CSMD1: variants seen among roughly 807,000 people sequenced by gnomAD.
CSMD1 encodes CUB and sushi domain-containing protein 1.
In CSMD1, 213 loss-of-function variants were observed where a neutral mutation model predicts 417.5. That is an observed-to-expected ratio of 0.51 (90% CI 0.46 to 0.57). The LOEUF (loss-of-function observed/expected upper bound fraction) is 0.57. Among genes scored for constraint, CSMD1 ranks in the 20% least tolerant of loss-of-function variants. The pLI is 0.00. For missense variants in CSMD1, 6,923 were observed against 4,529.7 expected, an observed-to-expected ratio of 1.53 and a Z score of -15.17; for synonymous variants, 2,862 against 1,736.8, an observed-to-expected ratio of 1.65 and a Z score of -16.11.
intron 3 of CSMD1, among the ~76,000 whole-genome samples, chr8:4,112,709 T>C (rs1489364598): frequency 3.9e-5 from 6 of 152,242 alleles, no homozygotes; most frequent in Admixed American, 3.9e-4. Context: ...TTGCAAGTGA[T>C]ATGGAGATTT....
At chr8:4,182,707 A>G (rs1798446005) in intron 3 of CSMD1, among the ~76,000 whole-genome samples, 1 of 152,190 alleles carries the variant, frequency 6.6e-6, no homozygotes, top group Non-Finnish European at 1.5e-5. Flanking sequence ...GCTTTAAGTT[A>G]GAAAGAAAAA....
chr8:4,468,908 A>G (rs1800351929), intron 2 of CSMD1, among the ~76,000 whole-genome samples: 1 of 151,848 alleles, frequency 6.6e-6, no homozygotes, highest in Non-Finnish European at 1.5e-5. Flanking sequence ...GGCTAATAGG[A>G]AAGGAATGCT....
rs957573707 is a variant in CSMD1, at chr8:4,531,461, C to G, written c.302+105881G>C. Among the ~76,000 whole-genome samples, 3 of 152,120 alleles carry G rather than the reference C, an allele frequency of 2.0e-5. No individual in the cohort carries two copies. In the East Asian group the frequency reaches 5.8e-4, roughly 29 times the overall value. On this transcript the variant is annotated intron_variant, in intron 2 of 69. Transcript: ENST00000635120. Reference sequence around the variant, plus strand: ...TGAGTAATTTGGTTACTGACAATATCTATGTGGCTTTGTTTTTGTCATCCC... The same window carrying G: ...TGAGTAATTTGGTTACTGACAATATGTATGTGGCTTTGTTTTTGTCATCCC...
intron 7 of CSMD1, among the ~76,000 whole-genome samples, chr8:3,642,394 C>G (rs187410625): frequency 2.6e-5 from 4 of 152,100 alleles, no homozygotes; most frequent in African/African-American, 9.7e-5. Context: ...AGTCCACTTT[C>G]CCATGAGTTT....
intron 3 of CSMD1, among the ~76,000 whole-genome samples, chr8:4,379,782 G>T (rs141071316): frequency 6.6e-6 from 1 of 152,136 alleles, no homozygotes; most frequent in African/African-American, 2.4e-5. Flanking sequence ...TTAGGTCCAA[G>T]TCCTCCAGTC....
At chr8:3,588,973 G>C (rs1201015875) in intron 8 of CSMD1, among the ~76,000 whole-genome samples, 2 of 152,068 alleles carry the variant, frequency 1.3e-5, no homozygotes, top group Non-Finnish European at 2.9e-5. Flanking sequence ...CAGGTATATG[G>C]AAAGGTGCTC....
chr8:3,364,837 G>T (rs867796056), intron 20 of CSMD1, among the ~76,000 whole-genome samples: 2 of 152,306 alleles, frequency 1.3e-5, no homozygotes, highest in East Asian at 3.9e-4. Context: ...CTAGTCTCAG[G>T]TATGCTGTTA....
intron 3 of CSMD1, among the ~76,000 whole-genome samples, chr8:4,105,977 CA>C (rs1378750939): frequency 1.3e-5 from 2 of 152,170 alleles, no homozygotes; most frequent in Non-Finnish European, 2.9e-5. Flanking sequence ...AACTTCACCA[CA>C]GGAAAATGTA....
intron 12 of CSMD1, among the ~76,000 whole-genome samples, chr8:3,445,680 G>T (rs571587665): frequency 1.8e-4 from 27 of 152,068 alleles, no homozygotes; most frequent in Non-Finnish European, 3.5e-4. Context: ...GAACTAGAGG[G>T]GACGAGAGGA....
At position 4,576,161 on chromosome 8, in the gene CSMD1, T is replaced by C. The variant is rs116731717; in HGVS notation, c.302+61181A>G. Reference sequence around the variant, plus strand: ...TAATTGCAGAAAGTATGCAGGACTGTCGAGTTATGTGCACTAAGCTGTATC... The same window carrying C: ...TAATTGCAGAAAGTATGCAGGACTGCCGAGTTATGTGCACTAAGCTGTATC... On this transcript the variant is annotated intron_variant, in intron 2 of 69. Coordinates refer to ENST00000635120, the MANE Select transcript of CSMD1 (RefSeq NM_033225.6). 1.2e-3 allele frequency among the ~76,000 whole-genome samples: 190 copies of C among 152,382 alleles called. 1 individual carries two copies. The highest frequency in any genetic ancestry group is 4.5e-3 in the African/African-American group (186 of 41,580).
At chr8:3,958,171 GA>G (rs1305591948) in intron 5 of CSMD1, among the ~76,000 whole-genome samples, 4 of 152,114 alleles carry the variant, frequency 2.6e-5, no homozygotes, top group African/African-American at 9.7e-5. Flanking sequence ...GCAAGCAAAT[GA>G]AATTATTATT....
At chr8:4,287,600 G>C (rs1245290284) in intron 3 of CSMD1, among the ~76,000 whole-genome samples, 1 of 151,874 alleles carries the variant, frequency 6.6e-6, no homozygotes, top group Non-Finnish European at 1.5e-5. Flanking sequence ...CCAGGGACCA[G>C]GTTAAGTACT....
Position 3,998,049 on chromosome 8 carries a change from G to A in CSMD1, c.672C>T (p.Phe224=). The change falls in exon 5 of 70, where the codon TTC becomes TTT. Residue 224 remains phenylalanine (F), a synonymous_variant. Coordinates refer to ENST00000635120, the MANE Select transcript of CSMD1 (RefSeq NM_033225.6). ...GTSSSISSPH[F]PSEYENNADC... The stretch of plus-strand genomic sequence containing the variant: ...CCGCGTTGTTCTCGTACTCTGAAGG[G>A]AAGTGCGGGCTGGAGATGGAGCTGC... 1.9e-6 allele frequency: 3 copies of A among 1,599,786 alleles called. No homozygotes were observed. Among genetic ancestry groups the A allele is most frequent in the East Asian group, 2.3e-5 (1 of 44,368 alleles).
chr8:4,896,409 T>C (rs1313294137), intron 1 of CSMD1, among the ~76,000 whole-genome samples: 1 of 152,144 alleles, frequency 6.6e-6, no homozygotes, highest in African/African-American at 2.4e-5. Context: ...CTTCGATTAT[T>C]TACTGATGTT....
chr8:4,023,217 G>C (rs577036776), intron 4 of CSMD1, among the ~76,000 whole-genome samples: 14 of 152,310 alleles, frequency 9.2e-5, no homozygotes, highest in African/African-American at 3.4e-4. Context: ...AGGGAAGCCA[G>C]ATGTGAAAGG....
At chr8:3,352,964 G>A (rs1037063996) in intron 21 of CSMD1, among the ~76,000 whole-genome samples, 10 of 152,138 alleles carry the variant, frequency 6.6e-5, no homozygotes, top group African/African-American at 2.4e-4. Flanking sequence ...TGTTACAGAT[G>A]AGAAAACTGA....
chr8:3,078,184 A>G (rs1340716862), intron 49 of CSMD1, among the ~76,000 whole-genome samples: 3 of 152,216 alleles, frequency 2.0e-5, no homozygotes, highest in Admixed American at 6.5e-5. Flanking sequence ...TACTTTGCAT[A>G]TTTTGTACAG....
At chr8:3,858,662 C>T (rs1373035892) in intron 5 of CSMD1, among the ~76,000 whole-genome samples, 1 of 135,308 alleles carries the variant, frequency 7.4e-6, no homozygotes, top group Admixed American at 7.2e-5. Flanking sequence ...CTGTTATAAT[C>T]TTCAGGAGAA....
chr8:4,580,460 G>C (rs967615456), intron 2 of CSMD1, among the ~76,000 whole-genome samples: 3 of 152,208 alleles, frequency 2.0e-5, no homozygotes, highest in African/African-American at 7.2e-5. Context: ...TTACAGGTGA[G>C]AAAATTGAGG....
Sources: gnomAD v4.1 joint callset for allele counts (sites outside exome capture counted in the v4.1 genomes callset) on GRCh38, gnomAD v4.1.1 for gene constraint, MANE v1.5 for transcripts, NCBI Gene and HGNC (gene_info 2026-07-23, HGNC 2026-07-21) for gene names.